Variants in PTPRB observed in about 807,000 individuals in gnomAD.
PTPRB encodes protein tyrosine phosphatase receptor type B.
Under a neutral mutation model 238.1 loss-of-function variants are expected in PTPRB, and 97 were observed. The observed-to-expected ratio is 0.41, with a 90% confidence interval of 0.35 to 0.48. The LOEUF (loss-of-function observed/expected upper bound fraction) is 0.48. Ranked by LOEUF, PTPRB falls within the 20% of genes least tolerant of loss-of-function variation. The pLI is 0.30. For synonymous variants in PTPRB, 970 were observed against 995.4 expected (o/e 0.97, Z 0.48); for missense variants, 2,292 against 2,681.9 (o/e 0.85, Z 3.21).
intron 4 of PTPRB, among the ~76,000 whole-genome samples, chr12:70,607,035 A>C (rs1308246141): frequency 6.6e-6 from 1 of 152,216 alleles, no homozygotes; most frequent in Non-Finnish European, 1.5e-5. Context: ...GATGCTGATG[A>C]AGTCTTGTTT....
chr12:70,611,060 G>A (rs1211566303), intron 3 of PTPRB, among the ~76,000 whole-genome samples: 5 of 152,086 alleles, frequency 3.3e-5, no homozygotes, highest in Non-Finnish European at 7.4e-5. Context: ...ATTGCAACAA[G>A]TTTTATAATT....
intron 10 of PTPRB, 136 bp downstream of exon 10, chr12:70,580,900 G>T: frequency 2.2e-6 from 2 of 922,466 alleles, no homozygotes; most frequent in Non-Finnish European, 3.2e-6. Context: ...CTTCTGGATG[G>T]CTAGCTTTTG....
intron 14 of PTPRB, among the ~76,000 whole-genome samples, chr12:70,568,904 T>C (rs1487932034): frequency 1.3e-5 from 2 of 152,136 alleles, no homozygotes; most frequent in Non-Finnish European, 2.9e-5. Context: ...AGAACTATAG[T>C]ATGGCTAGAG....
chr12:70,553,987 T>G (rs1877282455), intron 20 of PTPRB, among the ~76,000 whole-genome samples: 1 of 152,230 alleles, frequency 6.6e-6, no homozygotes, highest in Non-Finnish European at 1.5e-5. Context: ...GTGACTTTTT[T>G]GGTTACTGTC....
At chr12:70,581,589 GA>G (rs1195862073) in intron 9 of PTPRB, among the ~76,000 whole-genome samples, 17 of 152,048 alleles carry the variant, frequency 1.1e-4, no homozygotes, top group Admixed American at 7.2e-4. Flanking sequence ...TTTAGATAAT[GA>G]AGGCTGCTAT....
Position 70,581,081 on chromosome 12 carries a change from T to C in PTPRB, c.2533A>G (p.Ser845Gly), listed in dbSNP as rs1417136731. The C allele has an allele frequency of 5.0e-6, 8 of 1,613,900 alleles. No individual in the cohort carries two copies. Among genetic ancestry groups the C allele is most frequent in the African/African-American group, 1.3e-5 (1 of 74,934 alleles). ...ACTTGTCGGGAAGAGATCCCTCCAC[T>C]CACTGTTGTTACCACCACGGAGTAC... ...SLYSVVVTTVSGGISSRQVVV... is the reference protein window; with the variant it reads ...SLYSVVVTTVGGGISSRQVVV... The change falls in exon 10 of 34, where the codon AGT becomes GGT. Residue 845 changes from serine to glycine, a missense_variant. Around this residue, in one of 4 missense-constraint regions of PTPRB, gnomAD observed 1,205 missense variants for 1,287.8 expected, o/e 0.94. Coordinates refer to ENST00000334414, the MANE Select transcript of PTPRB (RefSeq NM_001109754.4).
intron 28 of PTPRB, among the ~76,000 whole-genome samples, chr12:70,537,470 G>A (rs1004580025): frequency 1.3e-5 from 2 of 152,074 alleles, no homozygotes; most frequent in Admixed American, 1.3e-4. Context: ...TCTTCTGAGA[G>A]TTCCTTTAGG....
chr12:70,521,963 T>C (rs182256737), intron 33 of PTPRB, among the ~76,000 whole-genome samples: 169 of 152,356 alleles, frequency 1.1e-3, no homozygotes, highest in African/African-American at 3.7e-3. Flanking sequence ...AACTTGCTCA[T>C]ACTGAAGCCT....
chr12:70,609,088 T>C lies in PTPRB; in HGVS notation c.960A>G (p.Arg320=). ...CTTTACCTGTTTGCAAGACCACTGT[T>C]CTCTCTTCATCCAGAGAAATAATCC... ...NFRIISLDEE[R]TVVLQTDPLP... Residue 320 remains arginine (R), a synonymous_variant, in exon 4 of 34, where the codon AGA becomes AGG. Transcript: ENST00000334414. 6.2e-7 allele frequency: 1 copy of C among 1,614,024 alleles called. No homozygotes were observed. Among genetic ancestry groups the C allele is most frequent in the Non-Finnish European group, 8.5e-7 (1 of 1,179,878 alleles).
At chr12:70,566,397 G>T (rs1273784036) in intron 15 of PTPRB, 38 bp downstream of exon 15, 1 of 1,598,720 alleles carries the variant, frequency 6.3e-7, no homozygotes, top group East Asian at 2.2e-5. Context: ...GCAGACATTG[G>T]CAATATGTGC....
chr12:70,601,007 A>G (rs1201860877), intron 4 of PTPRB, among the ~76,000 whole-genome samples: 3 of 152,062 alleles, frequency 2.0e-5, no homozygotes, highest in African/African-American at 7.2e-5. Context: ...AGCTGGGATT[A>G]CAGGCGCCTG....
At position 70,540,224 on chromosome 12, in the gene PTPRB, A is replaced by T. The variant is rs1299439596; in HGVS notation, c.5595-202T>A. The T allele has an allele frequency of 8.2e-6, 4 of 490,070 alleles. No homozygotes were observed. The Admixed American group carries it at 1.4e-4, about 18-fold the overall frequency. The allele number at this position is 490,070 out of a possible 1,614,324, so 30.4% of individuals were successfully genotyped here. A position where few individuals can be genotyped will look rare whatever the true frequency, so the allele number is the denominator to read the frequency against. On this transcript the variant is annotated intron_variant, in intron 23 of 33. Transcript: ENST00000334414. ...TTCCCACCCAGAAACGGATCTCTGC[A>T]AAAACTGAAGATTTGTCTCCTGGTT...
intron 2 of PTPRB, 87 bp from the exon 3 acceptor site, chr12:70,622,733 G>A (rs1024113114): frequency 9.2e-6 from 13 of 1,417,090 alleles, no homozygotes; most frequent in African/African-American, 1.4e-5. Flanking sequence ...GCAAAAGAGG[G>A]CCTTTTCAAT....
chr12:70,597,086 T>G (rs1000221191), intron 4 of PTPRB, among the ~76,000 whole-genome samples: 9 of 143,978 alleles, frequency 6.3e-5, no homozygotes, highest in African/African-American at 2.1e-4. Context: ...TCCGGTGAAT[T>G]TTTTTTTGTA....
chr12:70,609,499 G>C (rs1884253683), intron 3 of PTPRB, among the ~76,000 whole-genome samples, 160 bp from the exon 4 acceptor site: 1 of 152,186 alleles, frequency 6.6e-6, no homozygotes, highest in South Asian at 2.1e-4. Flanking sequence ...GGCTTGCAGG[G>C]GAGGTGGATG....
At chr12:70,585,134 T>C (rs576132587) in intron 9 of PTPRB, 1 of 152,096 alleles carries the variant, frequency 6.6e-6, no homozygotes, top group South Asian at 2.1e-4. Flanking sequence ...CTAATTTTTG[T>C]GTTTTTAGTA....
rs1565909147 is a variant in PTPRB, at chr12:70,534,926, G to A, written c.6111C>T (p.Asp2037=). The A allele has an allele frequency of 1.9e-6, 3 of 1,613,784 alleles. No individual in the cohort carries two copies. The South Asian group carries it at 3.3e-5, about 18-fold the overall frequency. Residue 2037 remains aspartate, a synonymous_variant, in exon 30 of 34, where the codon GAC becomes GAT. Coordinates refer to ENST00000334414, the MANE Select transcript of PTPRB (RefSeq NM_001109754.4). ...RVKCDHYWPA[D]QDSLYYGDLI... ...GGTCCCCATAGTAGAGGGAATCCTG[G>A]TCCGCTGGCCAGTAATGATCACACT... is the stretch of plus-strand genomic sequence containing the variant.
chr12:70,614,388 A>C (rs1171633453), intron 3 of PTPRB, among the ~76,000 whole-genome samples: 4 of 152,120 alleles, frequency 2.6e-5, no homozygotes, highest in Non-Finnish European at 5.9e-5. Context: ...AAAACTACAT[A>C]GATGACTTAG....
intron 2 of PTPRB, among the ~76,000 whole-genome samples, chr12:70,631,641 C>A (rs1041141569): frequency 2.0e-5 from 3 of 152,052 alleles, no homozygotes; most frequent in African/African-American, 2.4e-5. Flanking sequence ...AGTGAACAGG[C>A]AACCTACAGA....
Sources: allele counts gnomAD v4.1 joint callset (sites outside exome capture counted in the v4.1 genomes callset), GRCh38; gene constraint gnomAD v4.1.1; regional missense constraint gnomAD v4.1.1; transcripts MANE v1.5; gene names NCBI Gene and HGNC (gene_info 2026-07-23, HGNC 2026-07-21).